Variants in LRRTM4 observed in about 807,000 individuals in gnomAD.
LRRTM4 encodes leucine rich repeat transmembrane neuronal 4.
Under a neutral mutation model 47.6 loss-of-function variants are expected in LRRTM4, and 25 were observed. The observed-to-expected ratio is 0.53, with a 90% CI of 0.38 to 0.73. The LOEUF (loss-of-function observed/expected upper bound fraction) is 0.73, where lower values mean the gene tolerates loss of function less well. LRRTM4 is among the 30% of genes least tolerant of loss of function. The pLI, the probability that LRRTM4 is intolerant of heterozygous loss-of-function variation, is 0.00. For synonymous variants in LRRTM4, 311 were observed against 269.5 expected, an observed-to-expected ratio of 1.15 and a Z score of -1.51; for missense variants, 638 against 713.4, an observed-to-expected ratio of 0.89 and a Z score of 1.20.
chr2:76,767,300 C>T (rs1673494471), intron 3 of LRRTM4, among the ~76,000 whole-genome samples: 1 of 152,150 alleles, frequency 6.6e-6, no homozygotes, highest in South Asian at 2.1e-4. Context: ...CTTCTTTCAT[C>T]TGTACTAATT....
At position 77,154,921 on chromosome 2, in the gene LRRTM4, T is replaced by C. The variant is rs544690389; in HGVS notation, c.1551+363397A>G. On this transcript the variant is annotated intron_variant, in intron 3 of 3. Transcript: ENST00000409884. ...TGACCCTTTAAAGTGGAATTAACAA[T>C]GGTATCTTTATCAGAATGCTGTCAT... 8.9e-4 allele frequency among the ~76,000 whole-genome samples: 136 copies of C among 152,258 alleles called. 1 individual carries two copies. The highest frequency in any genetic ancestry group is 3.1e-3 in the African/African-American group (129 of 41,570).
At chr2:77,122,167 C>A (rs1328561413) in intron 3 of LRRTM4, among the ~76,000 whole-genome samples, 2 of 151,604 alleles carry the variant, frequency 1.3e-5, no homozygotes, top group Admixed American at 1.3e-4. Flanking sequence ...TCATAAATGG[C>A]AACCACACAA....
intron 3 of LRRTM4, among the ~76,000 whole-genome samples, chr2:77,257,716 C>A (rs1330070964): frequency 7.5e-6 from 1 of 133,078 alleles, no homozygotes; most frequent in Non-Finnish European, 1.5e-5. Context: ...CTTAAAAATA[C>A]AACACACACA....
At position 77,490,046 on chromosome 2, in the gene LRRTM4, T is replaced by C. The variant is rs901630771; in HGVS notation, c.1551+28272A>G. Among the ~76,000 whole-genome samples the C allele has an allele frequency of 2.6e-5, 4 of 152,248 alleles. No homozygotes were observed. The East Asian group carries it at 7.7e-4, about 29-fold the overall frequency. On this transcript the variant is annotated intron_variant, in intron 3 of 3. Transcript: ENST00000409884. ...GGGCAGATCAGTTCAGGTAAGAAGT[T>C]TGAGACAAGCCTGGCCAACATGGTG...
intron 3 of LRRTM4, among the ~76,000 whole-genome samples, chr2:76,971,000 G>A (rs1466072190): frequency 1.3e-5 from 2 of 151,818 alleles, no homozygotes; most frequent in Non-Finnish European, 2.9e-5. Context: ...GAACCTATAG[G>A]ACAAAAAATA....
intron 3 of LRRTM4, among the ~76,000 whole-genome samples, chr2:77,477,747 G>T (rs1375377037): frequency 6.6e-6 from 1 of 150,392 alleles, no homozygotes; most frequent in African/African-American, 2.4e-5. Context: ...GCTATGGCAG[G>T]AGAATTCCTT....
chr2:76,934,346 G>T (rs1558747417), intron 3 of LRRTM4, among the ~76,000 whole-genome samples: 1 of 152,138 alleles, frequency 6.6e-6, no homozygotes, highest in Non-Finnish European at 1.5e-5. Flanking sequence ...TGTTAAAAAT[G>T]ATTAAGGTAG....
chr2:77,516,043 A>T (rs1452393597), intron 3 of LRRTM4, among the ~76,000 whole-genome samples: 1 of 151,752 alleles, frequency 6.6e-6, no homozygotes, highest in Non-Finnish European at 1.5e-5. Context: ...CCCCCTCCTC[A>T]TCCTAAATGG....
chr2:77,300,038 C>T (rs1189171956), intron 3 of LRRTM4, among the ~76,000 whole-genome samples: 1 of 151,452 alleles, frequency 6.6e-6, no homozygotes, highest in Non-Finnish European at 1.5e-5. Flanking sequence ...TTTTAGTAGA[C>T]ACGGGGTTTC....
rs1322489371 is a variant in LRRTM4 at position 76,799,353 on chromosome 2, C to T, written c.1552-50437G>A. Among the ~76,000 whole-genome samples the T allele has an allele frequency of 1.8e-5, 2 of 109,064 alleles. 1 individual carries two copies. Among genetic ancestry groups the T allele is most frequent in the African/African-American group, 9.4e-5 (2 of 21,234 alleles). The allele number at this position is 109,064 out of a possible 152,430, so 71.6% of individuals were successfully genotyped here. A position where few individuals can be genotyped will look rare whatever the true frequency, so the allele number is the denominator to read the frequency against. Reference sequence around the variant, plus strand: ...TAACCAGAACCAAAGACAAAAACCACATGATTATCTCAATAGATGCAGAAA... The same window carrying T: ...TAACCAGAACCAAAGACAAAAACCATATGATTATCTCAATAGATGCAGAAA... On this transcript the variant is annotated intron_variant, in intron 3 of 3. Coordinates refer to ENST00000409884, the MANE Select transcript of LRRTM4 (RefSeq NM_001134745.3).
At chr2:76,807,471 C>CACATATATATATAT (rs545039725) in intron 3 of LRRTM4, among the ~76,000 whole-genome samples, 1 of 97,480 alleles carries the variant, frequency 1.0e-5, no homozygotes, top group Non-Finnish European at 1.9e-5. Flanking sequence ...TATATATATA[C>CACATATATATATAT]ATATATATAT....
intron 3 of LRRTM4, among the ~76,000 whole-genome samples, chr2:77,335,610 CATAA>C (rs1273593511): frequency 6.6e-6 from 1 of 152,102 alleles, no homozygotes; most frequent in Non-Finnish European, 1.5e-5. Flanking sequence ...TTGCATGCAG[CATAA>C]ATAATTTGCT....
intron 3 of LRRTM4, among the ~76,000 whole-genome samples, chr2:76,830,665 A>T (rs531441978): frequency 6.6e-6 from 1 of 152,036 alleles, no homozygotes; most frequent in East Asian, 1.9e-4. Flanking sequence ...TTTGTCTCAA[A>T]ATTTTAAATT....
In LRRTM4 at chr2:77,519,943, C is replaced by A. The variant is rs1287779216; in HGVS notation, c.5-79G>T. 2.1e-6 allele frequency: 3 copies of A among 1,462,866 alleles called. No individual in the cohort carries two copies. Among genetic ancestry groups the A allele is most frequent in the Non-Finnish European group, 2.7e-6 (3 of 1,108,944 alleles). 90.6% of individuals were successfully genotyped at this position (1,462,866 alleles called of 1,614,324 possible). ...ACCGTCGGTTTACCAACAACAGGGGCATTTCCTCTAGTGTAGGAATGGGAC... is the reference window on the plus strand; with the variant it reads ...ACCGTCGGTTTACCAACAACAGGGGAATTTCCTCTAGTGTAGGAATGGGAC... On this transcript the variant is annotated intron_variant, in intron 2 of 3. Coordinates refer to ENST00000409884, the MANE Select transcript of LRRTM4 (RefSeq NM_001134745.3). This position sits in a 1 kb window ranked among gnomAD's most constrained non-coding sequence, Gnocchi z 4.6.
chr2:77,458,509 C>T (rs1222535396), intron 3 of LRRTM4, among the ~76,000 whole-genome samples: 1 of 151,978 alleles, frequency 6.6e-6, no homozygotes, highest in Non-Finnish European at 1.5e-5. Flanking sequence ...GCAGGGTTGT[C>T]CCGTGGAATT....
At chr2:77,297,720 T>C (rs1042950911) in intron 3 of LRRTM4, among the ~76,000 whole-genome samples, 3 of 152,168 alleles carry the variant, frequency 2.0e-5, no homozygotes, top group African/African-American at 7.2e-5. Context: ...TTTTCACTCT[T>C]CTATTAAAAG....
intron 3 of LRRTM4, among the ~76,000 whole-genome samples, chr2:76,868,516 C>T (rs1175651773): frequency 2.0e-5 from 3 of 152,190 alleles, no homozygotes; most frequent in Admixed American, 6.5e-5. Flanking sequence ...TAAACTCCCA[C>T]GGATCTATCA....
chr2:77,084,842 G>A (rs868630411), intron 3 of LRRTM4, among the ~76,000 whole-genome samples: 1 of 152,186 alleles, frequency 6.6e-6, no homozygotes, highest in South Asian at 2.1e-4. Context: ...ACAATTATAA[G>A]TGGTAGGAAA....
Position 76,814,750 on chromosome 2 carries a change from G to A in LRRTM4, c.1552-65834C>T, listed in dbSNP as rs147718433. Among the ~76,000 whole-genome samples, 357 of 151,508 alleles carry A rather than the reference G, an allele frequency of 2.4e-3. 6 individuals are homozygous for A. Among genetic ancestry groups the A allele is most frequent in the African/African-American group, 8.3e-3 (344 of 41,318 alleles). The stretch of plus-strand genomic sequence containing the variant: ...GGAGCCAACCACCCACAGATACAAA[G>A]GGATGACTGTAATAACAATAGCAAT... On this transcript the variant is annotated intron_variant, in intron 3 of 3. Transcript: ENST00000409884.
Sources: allele counts gnomAD v4.1 joint callset (sites outside exome capture counted in the v4.1 genomes callset), GRCh38; gene constraint gnomAD v4.1.1; non-coding constraint Gnocchi (gnomAD v3.1); transcripts MANE v1.5; gene names NCBI Gene and HGNC (gene_info 2026-07-23, HGNC 2026-07-21).